Variants in RIT2 observed in about 807,000 individuals in gnomAD.
The protein encoded by RIT2 is GTP-binding protein Rit2.
RIT2 carries 24 observed loss-of-function variants against 23.7 expected under a neutral mutation model. That is an observed-to-expected ratio of 1.01 (90% CI 0.73 to 1.43). The LOEUF (loss-of-function observed/expected upper bound fraction) is 1.43. Ranked by LOEUF, RIT2 falls within the 40% of genes most tolerant of loss-of-function variation. The pLI is 0.00. For synonymous variants in RIT2, 107 were observed against 91.1 expected (o/e 1.17, Z -0.99); for missense variants, 236 against 266.9 (o/e 0.88, Z 0.81).
chr18:43,076,823 G>A lies in RIT2; in HGVS notation c.103+38594C>T, dbSNP rs200128932. ...TTTCTTTTTAAGAGGCTCAAACACGGCCGGGCGCGGTGGCTCATGCCTGTA... is the reference window on the plus strand; with the variant it reads ...TTTCTTTTTAAGAGGCTCAAACACGACCGGGCGCGGTGGCTCATGCCTGTA... On this transcript the variant is annotated intron_variant, in intron 1 of 4. Coordinates refer to ENST00000326695, the MANE Select transcript of RIT2 (RefSeq NM_002930.4). 2.6e-5 allele frequency among the ~76,000 whole-genome samples: 4 copies of A among 152,198 alleles called. No individual in the cohort carries two copies. In the East Asian group the frequency reaches 7.8e-4, roughly 30 times the overall value.
chr18:42,925,646 A>C (rs1465926096), intron 3 of RIT2, among the ~76,000 whole-genome samples: 3 of 151,866 alleles, frequency 2.0e-5, no homozygotes, highest in African/African-American at 7.2e-5. Flanking sequence ...CAAAATATTT[A>C]AATGGTACAG....
chr18:42,903,425 G>A (rs1908529290), intron 4 of RIT2, among the ~76,000 whole-genome samples: 1 of 151,978 alleles, frequency 6.6e-6, no homozygotes, highest in African/African-American at 2.4e-5. Flanking sequence ...TAGAGACTGT[G>A]TTGTCTGACC....
chr18:43,014,389 A>G (rs897949593), intron 2 of RIT2, among the ~76,000 whole-genome samples: 11 of 151,906 alleles, frequency 7.2e-5, no homozygotes, highest in African/African-American at 2.6e-4. Context: ...GGGCAGCCCA[A>G]GTACAGCATT....
At chr18:43,039,230 T>A (rs1425772344) in intron 1 of RIT2, among the ~76,000 whole-genome samples, 1 of 152,208 alleles carries the variant, frequency 6.6e-6, no homozygotes, top group Non-Finnish European at 1.5e-5. Flanking sequence ...ATATTTCATT[T>A]AAGTACTTGA....
intron 3 of RIT2, among the ~76,000 whole-genome samples, chr18:42,959,838 T>G (rs530418927): frequency 1.3e-5 from 2 of 152,260 alleles, no homozygotes; most frequent in African/African-American, 4.8e-5. Flanking sequence ...ATGCCTAAAC[T>G]TGAGATATTT....
At chr18:42,778,361 T>C (rs1913725949) in intron 4 of RIT2, among the ~76,000 whole-genome samples, 1 of 152,214 alleles carries the variant, frequency 6.6e-6, no homozygotes. Context: ...CTTACTGTCA[T>C]CATTTTTTTC....
At chr18:42,807,517 G>A (rs1317216214) in intron 4 of RIT2, among the ~76,000 whole-genome samples, 2 of 152,010 alleles carry the variant, frequency 1.3e-5, no homozygotes, top group Non-Finnish European at 2.9e-5. Flanking sequence ...CTGAGGAGGC[G>A]AAGGGAGGAG....
At chr18:42,935,566 G>C (rs573084177) in intron 3 of RIT2, among the ~76,000 whole-genome samples, 5 of 152,234 alleles carry the variant, frequency 3.3e-5, no homozygotes, top group East Asian at 1.9e-4. Context: ...AGATCGAAGA[G>C]AGCCCGGAAC....
intron 4 of RIT2, among the ~76,000 whole-genome samples, chr18:42,840,950 C>T (rs575404831): frequency 3.3e-5 from 5 of 152,338 alleles, no homozygotes; most frequent in African/African-American, 1.2e-4. Flanking sequence ...TACCACTAGA[C>T]TACCTTCCGA....
In RIT2 at chr18:43,047,557, G is replaced by A. The variant is rs979153736; in HGVS notation, c.104-13690C>T. Among the ~76,000 whole-genome samples the A allele has an allele frequency of 1.2e-4, 18 of 152,008 alleles. No individual in the cohort carries two copies. The South Asian group carries it at 1.2e-3, about 11-fold the overall frequency. On this transcript the variant is annotated intron_variant, in intron 1 of 4. Transcript: ENST00000326695. The stretch of plus-strand genomic sequence containing the variant: ...AATGCTTGCATTTTTCTCTTGATAC[G>A]CTTTTCAGTATTCTTAGGAAAACAT...
intron 4 of RIT2, chr18:42,920,820 C>T (rs1311629412): frequency 3.7e-6 from 4 of 1,073,234 alleles, no homozygotes; most frequent in African/African-American, 1.5e-5. Flanking sequence ...CACCACTAAA[C>T]AATAGCACCA....
At chr18:43,078,776 T>C (rs1204398941) in intron 1 of RIT2, among the ~76,000 whole-genome samples, 1 of 152,198 alleles carries the variant, frequency 6.6e-6, no homozygotes, top group Non-Finnish European at 1.5e-5. Context: ...TCTCAGATTA[T>C]CTTTCTTAAT....
chr18:42,900,526 A>G (rs1908447844), intron 4 of RIT2, among the ~76,000 whole-genome samples: 1 of 152,114 alleles, frequency 6.6e-6, no homozygotes, highest in South Asian at 2.1e-4. Context: ...CTCACAAGAA[A>G]ATACCTTTTA....
intron 4 of RIT2, among the ~76,000 whole-genome samples, chr18:42,895,445 T>C (rs1217048157): frequency 6.6e-6 from 1 of 152,218 alleles, no homozygotes; most frequent in Non-Finnish European, 1.5e-5. Flanking sequence ...TCTCATTAAG[T>C]TCCTTTCAAA....
chr18:42,995,653 A>G (rs1314843417), intron 2 of RIT2, among the ~76,000 whole-genome samples: 1 of 152,110 alleles, frequency 6.6e-6, no homozygotes, highest in Non-Finnish European at 1.5e-5. Context: ...ACACCTCACC[A>G]AGCTCAGCCA....
intron 4 of RIT2, among the ~76,000 whole-genome samples, chr18:42,881,898 T>G (rs1907905182): frequency 1.3e-5 from 2 of 152,224 alleles, no homozygotes. Flanking sequence ...AATGCCTGTG[T>G]TACATTTTTA....
intron 4 of RIT2, among the ~76,000 whole-genome samples, chr18:42,853,373 AGG>A (rs1265571895): frequency 1.3e-5 from 2 of 152,248 alleles, no homozygotes; most frequent in African/African-American, 4.8e-5. Flanking sequence ...AATCCCATCC[AGG>A]TCATTGGCAT....
At chr18:43,104,997 C>A (rs1913774579) in intron 1 of RIT2, among the ~76,000 whole-genome samples, 2 of 152,060 alleles carry the variant, frequency 1.3e-5, no homozygotes, top group African/African-American at 4.8e-5. Context: ...TGGATTCAAG[C>A]AGAGGCATGC....
At chr18:43,044,315 C>T (rs1222493827) in intron 1 of RIT2, among the ~76,000 whole-genome samples, 1 of 152,098 alleles carries the variant, frequency 6.6e-6, no homozygotes, top group South Asian at 2.1e-4. Flanking sequence ...TGCATTTCTA[C>T]AATGAAAGAA....
Sources: gnomAD v4.1 joint callset for allele counts (sites outside exome capture counted in the v4.1 genomes callset) on GRCh38, gnomAD v4.1.1 for gene constraint, MANE v1.5 for transcripts, NCBI Gene and HGNC (gene_info 2026-07-23, HGNC 2026-07-21) for gene names.